TTC7B: variants seen among roughly 807,000 people sequenced by gnomAD.
TTC7B encodes tetratricopeptide repeat protein 7B.
A neutral mutation model predicts 106.8 loss-of-function variants in TTC7B; 28 were observed. The ratio of observed to expected loss-of-function variants is 0.26; its 90% confidence interval spans 0.19 to 0.36. TTC7B has a LOEUF of 0.36. TTC7B is among the 10% of genes least tolerant of loss of function. The pLI is 1.00. For synonymous variants in TTC7B, 405 were observed against 430.6 expected, an observed-to-expected ratio of 0.94 and a Z score of 0.74; for missense variants, 862 against 1,076.4, an observed-to-expected ratio of 0.80 and a Z score of 2.79.
At chr14:90,813,688 C>T (rs1485955222) in intron 1 of TTC7B, among the ~76,000 whole-genome samples, 55 of 96,792 alleles carry the variant, frequency 5.7e-4, no homozygotes, top group African/African-American at 1.5e-3. Context: ...TTTTTTTTTT[C>T]GCCTGTGGTT....
At chr14:90,601,215 T>C (rs972944157) in intron 17 of TTC7B, among the ~76,000 whole-genome samples, 2 of 152,174 alleles carry the variant, frequency 1.3e-5, no homozygotes, top group African/African-American at 4.8e-5. Flanking sequence ...CCCTCAAAAA[T>C]GGTACAGTCA....
At chr14:90,788,498 C>A (rs1206093678) in intron 1 of TTC7B, among the ~76,000 whole-genome samples, 1 of 152,078 alleles carries the variant, frequency 6.6e-6, no homozygotes, top group African/African-American at 2.4e-5. Context: ...CAAAAACAAT[C>A]ATATATCCGA....
intron 3 of TTC7B, among the ~76,000 whole-genome samples, chr14:90,745,871 A>G (rs1278618439): frequency 6.9e-6 from 1 of 144,608 alleles, no homozygotes; most frequent in Non-Finnish European, 1.5e-5. Context: ...CACCTGGCCA[A>G]TTTTTTTTTT....
intron 1 of TTC7B, among the ~76,000 whole-genome samples, chr14:90,795,118 T>C (rs548608998): frequency 6.6e-6 from 1 of 152,094 alleles, no homozygotes; most frequent in East Asian, 1.9e-4. Context: ...GATTAAAGAA[T>C]TAAATATAAA....
intron 19 of TTC7B, among the ~76,000 whole-genome samples, chr14:90,566,944 A>T (rs1472525734): frequency 6.6e-6 from 1 of 151,780 alleles, no homozygotes; most frequent in African/African-American, 2.4e-5. Flanking sequence ...TCCTGACCCC[A>T]GACTGGGCTT....
At chr14:90,558,354 G>T (rs1039564433) in intron 19 of TTC7B, among the ~76,000 whole-genome samples, 3 of 152,260 alleles carry the variant, frequency 2.0e-5, no homozygotes, top group African/African-American at 7.2e-5. Context: ...ACACACAGGG[G>T]GCTGAGAGGA....
chr14:90,565,641 C>A (rs1455704792), intron 19 of TTC7B, among the ~76,000 whole-genome samples: 2 of 152,060 alleles, frequency 1.3e-5, no homozygotes, highest in South Asian at 4.1e-4. Flanking sequence ...ACCCCGTGAT[C>A]TGCCCGCCTC....
intron 18 of TTC7B, among the ~76,000 whole-genome samples, chr14:90,583,583 C>T (rs1029640956): frequency 7.9e-5 from 12 of 152,176 alleles, no homozygotes; most frequent in African/African-American, 2.9e-4. Flanking sequence ...CCATCAGCTG[C>T]CAACAAGAAC....
chr14:90,624,405 G>C lies in TTC7B; in HGVS notation c.1752-6360C>G, dbSNP rs149861434. Among the ~76,000 whole-genome samples the C allele has an allele frequency of 6.6e-6, 1 of 152,224 alleles. No homozygotes were observed. Among genetic ancestry groups the C allele is most frequent in the East Asian group, 1.9e-4 (1 of 5,170 alleles). ...TTCACCTCAGGAAATGAGTCAGAGC[G>C]GCACTTGTCAGGGCCATGCTCGGTG... On this transcript the variant is annotated intron_variant, in intron 15 of 19. Coordinates refer to ENST00000328459, the MANE Select transcript of TTC7B (RefSeq NM_001010854.2). The surrounding 1 kb of genome is among the most constrained non-coding windows in gnomAD (Gnocchi z 4.0).
At chr14:90,793,860 G>A (rs1373336936) in intron 1 of TTC7B, among the ~76,000 whole-genome samples, 2 of 151,668 alleles carry the variant, frequency 1.3e-5, no homozygotes, top group Non-Finnish European at 2.9e-5. Flanking sequence ...CGCCCGCCTC[G>A]GCCTCCCAAA....
rs553963013 is a variant in TTC7B at position 90,802,069 on chromosome 14, G to GAAA, written c.121+14103_121+14105dup. 1.5e-5 allele frequency among the ~76,000 whole-genome samples: 2 copies of GAAA among 130,508 alleles called. No homozygotes were observed. Among genetic ancestry groups the GAAA allele is most frequent in the Non-Finnish European group, 3.3e-5 (2 of 60,700 alleles). The allele number at this position is 130,508 out of a possible 152,430, so 85.6% of individuals were successfully genotyped here. ...AGAGCGAAAACTCCATCTCAGGAAG[G>GAAA]AAAAAAAAAAAAAAGAAAGAAAGAA... On this transcript the variant is annotated intron_variant, in intron 1 of 19. Transcript: ENST00000328459. The surrounding 1 kb of genome is among the most constrained non-coding windows in gnomAD (Gnocchi z 4.7).
intron 17 of TTC7B, among the ~76,000 whole-genome samples, chr14:90,595,904 T>C (rs1345446691): frequency 6.6e-6 from 1 of 152,154 alleles, no homozygotes; most frequent in Non-Finnish European, 1.5e-5. Flanking sequence ...AAAAAGCCTG[T>C]ACACGGGCCA....
intron 19 of TTC7B, among the ~76,000 whole-genome samples, chr14:90,573,356 C>T (rs1490530098): frequency 1.3e-5 from 2 of 149,886 alleles, no homozygotes; most frequent in Non-Finnish European, 3.0e-5. Context: ...TGGTCCCTCT[C>T]CGGCTCACGG....
intron 19 of TTC7B, among the ~76,000 whole-genome samples, chr14:90,563,653 T>C (rs893396978): frequency 2.6e-5 from 4 of 152,218 alleles, no homozygotes; most frequent in African/African-American, 9.7e-5. Context: ...GAGCTCTCTG[T>C]AGCATGTGAT....
intron 13 of TTC7B, among the ~76,000 whole-genome samples, chr14:90,651,135 T>C (rs1419048595): frequency 6.6e-6 from 1 of 152,264 alleles, no homozygotes; most frequent in Non-Finnish European, 1.5e-5. Context: ...ATTATCCATT[T>C]ACATTTAAGA....
chr14:90,776,434 G>A (rs1461033462), intron 3 of TTC7B, among the ~76,000 whole-genome samples: 1 of 152,108 alleles, frequency 6.6e-6, no homozygotes, highest in Non-Finnish European at 1.5e-5. Flanking sequence ...GGCAAGGGAA[G>A]GACGCCTTAA....
chr14:90,803,578 A>G (rs1263058840), intron 1 of TTC7B, among the ~76,000 whole-genome samples: 2 of 152,132 alleles, frequency 1.3e-5, no homozygotes, highest in African/African-American at 4.8e-5. Context: ...GCTAGTTGGA[A>G]CTCTTGACTG....
chr14:90,723,313 C>T (rs1248231299), intron 5 of TTC7B, among the ~76,000 whole-genome samples: 1 of 152,200 alleles, frequency 6.6e-6, no homozygotes, highest in East Asian at 1.9e-4. Context: ...TCTCTATACC[C>T]TTTGTTATCT....
chr14:90,709,753 G>T (rs1888364905), intron 5 of TTC7B, among the ~76,000 whole-genome samples: 2 of 151,700 alleles, frequency 1.3e-5, no homozygotes, highest in South Asian at 2.1e-4. Flanking sequence ...TACATAATTT[G>T]TATCTTAAAG....
Sources: gnomAD v4.1 joint callset for allele counts (sites outside exome capture counted in the v4.1 genomes callset) on GRCh38, gnomAD v4.1.1 for gene constraint, Gnocchi (gnomAD v3.1) non-coding constraint, MANE v1.5 for transcripts, NCBI Gene and HGNC (gene_info 2026-07-23, HGNC 2026-07-21) for gene names.